Variants in GPHN observed in about 807,000 individuals in gnomAD.
GPHN encodes the protein gephyrin.
In GPHN, 17 loss-of-function variants were observed where a neutral mutation model predicts 95.5. The observed-to-expected ratio is 0.18, with a 90% confidence interval of 0.12 to 0.27. GPHN has a LOEUF of 0.27. Among genes scored for constraint, GPHN ranks in the 10% least tolerant of loss-of-function variants. GPHN has a pLI of 1.00. For synonymous variants in GPHN, 320 were observed against 322.5 expected, an observed-to-expected ratio of 0.99 and a Z score of 0.08; for missense variants, 660 against 978.1, an observed-to-expected ratio of 0.67 and a Z score of 4.34.
chr14:67,312,771 C>G, the GPHN span: 1 of 1,279,382 alleles, frequency 7.8e-7, no homozygotes, highest in East Asian at 2.8e-5. Flanking sequence ...TGCAAGCCTT[C>G]ACAAAGAAAA....
chr14:67,662,176 C>CAA, the GPHN span, among the ~76,000 whole-genome samples: 155 of 146,930 alleles, frequency 1.1e-3, 1 homozygote, highest in East Asian at 3.9e-3. Flanking sequence ...ACAACAACAA[C>CAA]AACAAAAAAA....
chr14:67,051,171 C>T (rs1382445027), intron 10 of GPHN, among the ~76,000 whole-genome samples: 1 of 152,348 alleles, frequency 6.6e-6, no homozygotes, highest in East Asian at 1.9e-4. Context: ...GCTGCCATCA[C>T]TGCAACTGCC....
At chr14:67,050,087 T>C (rs1489466022) in intron 10 of GPHN, among the ~76,000 whole-genome samples, 2 of 152,186 alleles carry the variant, frequency 1.3e-5, no homozygotes, top group African/African-American at 4.8e-5. Context: ...ATCAATCCAA[T>C]AGCACCACAG....
chr14:66,650,140 A>G (rs996390124), intron 1 of GPHN, among the ~76,000 whole-genome samples: 3 of 152,064 alleles, frequency 2.0e-5, no homozygotes, highest in African/African-American at 4.8e-5. Flanking sequence ...AGAGTCTTAC[A>G]TAAGTTATGG....
intron 3 of GPHN, among the ~76,000 whole-genome samples, chr14:66,796,187 A>T (rs1397698574): frequency 6.6e-6 from 1 of 152,098 alleles, no homozygotes; most frequent in Non-Finnish European, 1.5e-5. Flanking sequence ...TGGCTGAATT[A>T]TACTCCACTG....
intron 5 of GPHN, among the ~76,000 whole-genome samples, chr14:66,911,108 A>G (rs181414050): frequency 6.6e-6 from 1 of 152,138 alleles, no homozygotes; most frequent in Admixed American, 6.6e-5. Context: ...TGAATGATTT[A>G]TATAAGCACC....
chr14:67,571,736 G>C, the GPHN span: 2,369 of 1,606,528 alleles, frequency 1.5e-3, 33 homozygotes, highest in African/African-American at 0.028. Context: ...CAGTGAGGGA[G>C]GGGCCTGTCT....
At chr14:67,692,926 G>A in the GPHN span, 1 of 1,569,150 alleles carries the variant, frequency 6.4e-7, no homozygotes, top group Admixed American at 1.7e-5. Flanking sequence ...GAAAGGAGGT[G>A]AACTTGCCTC....
chr14:66,901,925 A>C (rs1391294285), intron 5 of GPHN, among the ~76,000 whole-genome samples: 1 of 152,046 alleles, frequency 6.6e-6, no homozygotes, highest in Admixed American at 6.6e-5. Flanking sequence ...TGTCATTGAT[A>C]TTTTGATAGA....
intron 2 of GPHN, among the ~76,000 whole-genome samples, chr14:66,686,474 T>C (rs985673674): frequency 6.6e-6 from 1 of 152,238 alleles, no homozygotes; most frequent in Non-Finnish European, 1.5e-5. Context: ...ACATCCCTTG[T>C]AAGTTGGATT....
rs138742190 is a variant in GPHN, at chr14:66,944,745, T to G, written c.829-20446T>G. ...AACTTCGTATTCTTATGCAAATAAG[T>G]TCTTCCACCAGTGAGAAAAACTTAA... On this transcript the variant is annotated intron_variant, in intron 8 of 22. Transcript: ENST00000478722. Among the ~76,000 whole-genome samples the G allele has an allele frequency of 8.1e-4, 124 of 152,328 alleles. 1 individual carries two copies. The East Asian group carries it at 0.023, about 28-fold the overall frequency.
At chr14:67,255,922 A>G in the GPHN span, among the ~76,000 whole-genome samples, 1 of 152,224 alleles carries the variant, frequency 6.6e-6, no homozygotes, top group Admixed American at 6.5e-5. Flanking sequence ...CCTGACCTCA[A>G]GTGATCCACA....
chr14:67,493,902 A>T, the GPHN span, among the ~76,000 whole-genome samples: 1 of 151,588 alleles, frequency 6.6e-6, no homozygotes, highest in Non-Finnish European at 1.5e-5. Flanking sequence ...TTTAAAAATA[A>T]TTTTTTTTTA....
intron 1 of GPHN, among the ~76,000 whole-genome samples, chr14:66,555,766 T>G (rs1310196695): frequency 1.3e-5 from 2 of 152,162 alleles, no homozygotes; most frequent in East Asian, 3.8e-4. Context: ...CATTTTTATG[T>G]GATGGGTAAC....
At chr14:67,228,794 C>G in the GPHN span, among the ~76,000 whole-genome samples, 1 of 152,258 alleles carries the variant, frequency 6.6e-6, no homozygotes, top group African/African-American at 2.4e-5. Flanking sequence ...AATGTGAGGT[C>G]ATTCAAGGTA....
intron 9 of GPHN, among the ~76,000 whole-genome samples, chr14:66,980,298 C>G: frequency 6.6e-6 from 1 of 152,094 alleles, no homozygotes; most frequent in East Asian, 1.9e-4. Context: ...TATACCACAG[C>G]ATTTTTACAT....
chr14:66,987,527 A>G (rs1283340942), intron 9 of GPHN, among the ~76,000 whole-genome samples: 1 of 152,120 alleles, frequency 6.6e-6, no homozygotes, highest in African/African-American at 2.4e-5. Flanking sequence ...GATACGTTTT[A>G]TAATTAAATC....
the GPHN span, among the ~76,000 whole-genome samples, chr14:67,411,443 G>C: frequency 6.6e-6 from 1 of 152,100 alleles, no homozygotes; most frequent in African/African-American, 2.4e-5. Flanking sequence ...GCACTGGGGA[G>C]GCAGTAAAGG....
chr14:67,344,981 C>T, the GPHN span, among the ~76,000 whole-genome samples: 2 of 151,974 alleles, frequency 1.3e-5, no homozygotes, highest in South Asian at 4.1e-4. Context: ...GTGGCTCATA[C>T]CTATAATCCC....
Sources: gnomAD v4.1 joint callset for allele counts (sites outside exome capture counted in the v4.1 genomes callset) on GRCh38, gnomAD v4.1.1 for gene constraint, MANE v1.5 for transcripts, NCBI Gene and HGNC (gene_info 2026-07-23, HGNC 2026-07-21) for gene names.